Variants in LINGO2 observed in about 807,000 individuals in gnomAD.
LINGO2 encodes the protein leucine rich repeat and Ig domain containing 2.
In LINGO2, 14 loss-of-function variants were observed where a neutral mutation model predicts 30.6. That is an observed-to-expected ratio of 0.46 (90% confidence interval 0.30 to 0.72). LINGO2 has a LOEUF of 0.72. LINGO2 is among the 30% of genes least tolerant of loss of function. The pLI, the probability that LINGO2 is intolerant of heterozygous loss-of-function variation, is 0.07. For synonymous variants in LINGO2, 317 were observed against 288.5 expected (o/e 1.10, Z -1.00); for missense variants, 729 against 751.7 (o/e 0.97, Z 0.35).
the LINGO2 span, among the ~76,000 whole-genome samples, chr9:29,137,678 G>A: frequency 3.3e-5 from 5 of 152,086 alleles, no homozygotes; most frequent in Non-Finnish European, 7.4e-5. Flanking sequence ...ATTAGCCTGA[G>A]GATCTTTTCG....
the LINGO2 span, among the ~76,000 whole-genome samples, chr9:28,949,368 C>G: frequency 1.3e-5 from 2 of 151,566 alleles, no homozygotes; most frequent in African/African-American, 4.9e-5. Context: ...TGTAGCCAGA[C>G]AAATAAAGAA....
In LINGO2 at chr9:28,388,540, A is replaced by G. The variant is rs76663726; in HGVS notation, c.-278-15672T>C. 5.3e-3 allele frequency among the ~76,000 whole-genome samples: 807 copies of G among 152,292 alleles called. 27 individuals carry two copies. The East Asian group carries it at 0.093, about 18-fold the overall frequency. ...GTTTATTTGAAACATGGACTTTTCC[A>G]ATTTTATTTGTTCCACATCTTTGCC... On this transcript the variant is annotated intron_variant, in intron 2 of 5. Transcript: ENST00000379992.
At chr9:28,934,277 T>C in the LINGO2 span, among the ~76,000 whole-genome samples, 2 of 152,190 alleles carry the variant, frequency 1.3e-5, no homozygotes, top group African/African-American at 4.8e-5. Flanking sequence ...TTCAGCAAAA[T>C]AGAACTTAAA....
Position 28,619,925 on chromosome 9 carries a change from C to G in LINGO2, c.-365+50275G>C, listed in dbSNP as rs146534566. Among the ~76,000 whole-genome samples the G allele has an allele frequency of 2.7e-3, 415 of 151,236 alleles. 3 individuals are homozygous for G. The highest frequency in any genetic ancestry group is 3.4e-3 in the Middle Eastern group (1 of 292). On this transcript the variant is annotated intron_variant, in intron 1 of 5. Coordinates refer to ENST00000379992, the Ensembl canonical transcript of LINGO2. Reference sequence around the variant, plus strand: ...CATAAATTGGCAACAAAAACTGAAACACAGAATGCTGCCCAGAATCTTGAG... The same window carrying G: ...CATAAATTGGCAACAAAAACTGAAAGACAGAATGCTGCCCAGAATCTTGAG...
the LINGO2 span, among the ~76,000 whole-genome samples, chr9:29,034,665 T>G: frequency 6.6e-6 from 1 of 152,318 alleles, no homozygotes; most frequent in African/African-American, 2.4e-5. Flanking sequence ...GTGTCTATTT[T>G]AAGATATCAA....
intron 3 of LINGO2, among the ~76,000 whole-genome samples, chr9:28,357,536 C>T (rs1400317442): frequency 1.3e-5 from 2 of 151,932 alleles, no homozygotes; most frequent in Non-Finnish European, 2.9e-5. Flanking sequence ...TAAAGTGAGA[C>T]ATATCTTTGA....
intron 4 of LINGO2, among the ~76,000 whole-genome samples, chr9:28,277,958 A>G (rs1011353446): frequency 1.3e-5 from 2 of 152,202 alleles, no homozygotes; most frequent in African/African-American, 4.8e-5. Context: ...CAAGTTGTGA[A>G]TGCAAATGAA....
chr9:28,391,135 T>C (rs967371791), intron 2 of LINGO2, among the ~76,000 whole-genome samples: 3 of 152,178 alleles, frequency 2.0e-5, no homozygotes, highest in Non-Finnish European at 4.4e-5. Context: ...TTTAATTAAC[T>C]TTATTACTAT....
At chr9:28,885,348 G>GAT in the LINGO2 span, among the ~76,000 whole-genome samples, 6 of 45,156 alleles carry the variant, frequency 1.3e-4, no homozygotes, top group South Asian at 1.3e-3. Context: ...GCAGCAGGGA[G>GAT]ATATATATAT....
At chr9:28,477,770 C>A (rs1234158345) in intron 1 of LINGO2, among the ~76,000 whole-genome samples, 2 of 152,136 alleles carry the variant, frequency 1.3e-5, no homozygotes, top group South Asian at 4.1e-4. Context: ...TAATTCATAG[C>A]GTAAATCATC....
At chr9:28,963,934 T>C in the LINGO2 span, among the ~76,000 whole-genome samples, 1 of 151,876 alleles carries the variant, frequency 6.6e-6, no homozygotes, top group East Asian at 1.9e-4. Flanking sequence ...GTTTCAAATA[T>C]TACCAAGACA....
At chr9:28,711,076 T>C in the LINGO2 span, among the ~76,000 whole-genome samples, 1 of 152,110 alleles carries the variant, frequency 6.6e-6, no homozygotes, top group South Asian at 2.1e-4. Context: ...GTGTTAATAT[T>C]CCCTACTACC....
chr9:29,118,176 A>C, the LINGO2 span, among the ~76,000 whole-genome samples: 5 of 152,144 alleles, frequency 3.3e-5, no homozygotes, highest in Non-Finnish European at 7.3e-5. Flanking sequence ...TGGGTTCCAA[A>C]GAGGTTGACT....
the LINGO2 span, among the ~76,000 whole-genome samples, chr9:28,931,371 C>G: frequency 2.0e-5 from 3 of 152,176 alleles, no homozygotes; most frequent in African/African-American, 7.2e-5. Flanking sequence ...TGCTTAGGAG[C>G]TTGTTTTACA....
intron 4 of LINGO2, among the ~76,000 whole-genome samples, chr9:28,260,035 G>A (rs1822511627): frequency 6.6e-6 from 1 of 151,772 alleles, no homozygotes; most frequent in Non-Finnish European, 1.5e-5. Context: ...AAGATACCCT[G>A]TTTGCCTATA....
chr9:29,149,736 G>A, the LINGO2 span, among the ~76,000 whole-genome samples: 25 of 152,120 alleles, frequency 1.6e-4, 1 homozygote, highest in Non-Finnish European at 3.5e-4. Flanking sequence ...TCCAGTGTAC[G>A]TGGAGCCCAA....
chr9:28,807,807 C>G, the LINGO2 span, among the ~76,000 whole-genome samples: 3 of 152,030 alleles, frequency 2.0e-5, no homozygotes, highest in African/African-American at 7.2e-5. Flanking sequence ...TATCAATTTA[C>G]CAATTTATTT....
the LINGO2 span, among the ~76,000 whole-genome samples, chr9:29,045,979 T>C: frequency 1.3e-5 from 2 of 152,206 alleles, no homozygotes; most frequent in Non-Finnish European, 2.9e-5. Context: ...TATTGTATAT[T>C]AATTTTGTAT....
intron 3 of LINGO2, among the ~76,000 whole-genome samples, chr9:28,297,336 A>C (rs1435144882): frequency 3.3e-5 from 5 of 152,176 alleles, no homozygotes; most frequent in Non-Finnish European, 5.9e-5. Context: ...ATGATTTTCC[A>C]CTAACTTTTG....
Sources: gnomAD v4.1 joint callset for allele counts (sites outside exome capture counted in the v4.1 genomes callset) on GRCh38, gnomAD v4.1.1 for gene constraint, MANE v1.5 for transcripts, NCBI Gene and HGNC (gene_info 2026-07-23, HGNC 2026-07-21) for gene names.